The following SLC3A1 variants were observed in gnomAD, a reference collection of about 807,000 sequenced individuals.
The protein encoded by SLC3A1 is amino acid transporter heavy chain SLC3A1.
In SLC3A1, 78 loss-of-function variants were observed where a neutral mutation model predicts 60.3. That is an observed-to-expected ratio of 1.29 (90% confidence interval 1.08 to 1.56). The LOEUF is 1.56. SLC3A1 is among the 40% of genes most tolerant of loss of function. The pLI is 0.00. For missense variants in SLC3A1, 1,172 were observed against 858.9 expected (o/e 1.36, Z -4.56); for synonymous variants, 392 against 307.9 (o/e 1.27, Z -2.86).
At chr2:44,295,769 A>C (rs543954982) in intron 4 of SLC3A1, among the ~76,000 whole-genome samples, 3 of 152,340 alleles carry the variant, frequency 2.0e-5, no homozygotes, top group Admixed American at 6.5e-5. Context: ...ATCAGTGCCC[A>C]AAAGCTTGAT....
rs748299302 is a variant in SLC3A1, at chr2:44,321,178, G to A, written c.*539G>A. On this transcript the variant is annotated 3_prime_UTR_variant, in exon 10 of 10. Coordinates refer to ENST00000260649, the MANE Select transcript of SLC3A1 (RefSeq NM_000341.4). ...AGGTTAATGGGCATGTGCATCAATG[G>A]AGAGAATAGTATAAGCAAGTGAGAT... The A allele has an allele frequency of 6.7e-6, 4 of 597,130 alleles. No homozygotes were observed. Among genetic ancestry groups the A allele is most frequent in the Non-Finnish European group, 1.2e-5 (4 of 333,766 alleles). The allele number at this position is 597,130 out of a possible 1,614,324, so 37.0% of individuals were successfully genotyped here. A position where few individuals can be genotyped will look rare whatever the true frequency, so the allele number is the denominator to read the frequency against.
intron 1 of SLC3A1, among the ~76,000 whole-genome samples, chr2:44,278,917 G>A (rs1168304508): frequency 6.6e-6 from 1 of 151,998 alleles, no homozygotes; most frequent in African/African-American, 2.4e-5. Context: ...TGTTGAGGTT[G>A]CACTCCTTCT....
intron 4 of SLC3A1, among the ~76,000 whole-genome samples, chr2:44,296,912 C>T (rs574077026): frequency 4.6e-5 from 7 of 152,260 alleles, no homozygotes; most frequent in East Asian, 1.9e-4. Flanking sequence ...CAAACTCTCT[C>T]GCCTGCTGTC....
intron 4 of SLC3A1, among the ~76,000 whole-genome samples, chr2:44,291,122 T>C (rs1432425166): frequency 6.6e-6 from 1 of 152,250 alleles, no homozygotes; most frequent in African/African-American, 2.4e-5. Context: ...GTTCATGCTC[T>C]TAACCACAAT....
chr2:44,319,204 A>G (rs186692171), intron 9 of SLC3A1: 1 of 152,782 alleles, frequency 6.5e-6, no homozygotes, highest in East Asian at 1.9e-4. Context: ...CTAAAGAACA[A>G]TAACAACCAC....
intron 9 of SLC3A1, chr2:44,319,617 A>G (rs191809539): frequency 6.5e-6 from 1 of 153,288 alleles, no homozygotes; most frequent in African/African-American, 2.4e-5. Flanking sequence ...AACACATACT[A>G]TTATGGTAAA....
chr2:44,282,021 G>T (rs78164933), intron 3 of SLC3A1, among the ~76,000 whole-genome samples: 3 of 152,018 alleles, frequency 2.0e-5, no homozygotes, highest in African/African-American at 7.2e-5. Context: ...ACAGGCGCGC[G>T]TCATCATACT....
In SLC3A1 at chr2:44,275,551, A is replaced by G. The variant is rs1558450083; in HGVS notation, c.16A>G (p.Ser6Gly). The change falls in exon 1 of 10, where the codon AGC (serine) becomes GGC (glycine). Residue 6 changes from serine (S) to glycine (G), a missense_variant. Ser to Gly is a moderately conservative substitution (Grantham distance 56, BLOSUM62 0). Transcript: ENST00000260649. MAEDK[S>G]KRDSIEMSMK... ...TCGGTGAGACATGGCTGAAGATAAA[A>G]GCAAGAGAGACTCCATCGAGATGAG... The G allele has an allele frequency of 1.2e-6, 2 of 1,613,994 alleles. No individual in the cohort carries two copies. Among genetic ancestry groups the G allele is most frequent in the South Asian group, 2.2e-5 (2 of 91,052 alleles).
intron 7 of SLC3A1, 76 bp downstream of exon 7, chr2:44,304,414 G>C: frequency 8.8e-7 from 1 of 1,139,282 alleles, no homozygotes; most frequent in Non-Finnish European, 1.3e-6. Context: ...AAATGCAATG[G>C]ACCTTTGTCT....
chr2:44,321,066 G>T lies in SLC3A1; in HGVS notation c.*427G>T. 4.8e-6 allele frequency: 2 copies of T among 414,086 alleles called. No homozygotes were observed. Among genetic ancestry groups the T allele is most frequent in the South Asian group, 2.9e-5 (1 of 34,298 alleles). The allele number at this position is 414,086 out of a possible 1,614,324, so 25.7% of individuals were successfully genotyped here. On this transcript the variant is annotated 3_prime_UTR_variant, in exon 10 of 10. Transcript: ENST00000260649. ...ACTGCTCAACTGTTCTGACTGGAAG[G>T]GAGGCCTGGAGCTCTGCTATCACCA...
At chr2:44,286,837 A>ACGG in intron 4 of SLC3A1, among the ~76,000 whole-genome samples, 1 of 149,876 alleles carries the variant, frequency 6.7e-6, no homozygotes, top group South Asian at 2.1e-4. Flanking sequence ...GGTGCCTGTG[A>ACGG]TGGTGAGCTG....
intron 9 of SLC3A1, chr2:44,319,481 T>A (rs1672737942): frequency 6.6e-6 from 1 of 151,878 alleles, no homozygotes; most frequent in Admixed American, 6.6e-5. Flanking sequence ...AACAGAATAT[T>A]GTCATTAAAA....
At chr2:44,295,739 G>A (rs909870890) in intron 4 of SLC3A1, among the ~76,000 whole-genome samples, 1 of 152,182 alleles carries the variant, frequency 6.6e-6, no homozygotes, top group African/African-American at 2.4e-5. Flanking sequence ...TAAAGAAAAG[G>A]ACTGGCTTTA....
At chr2:44,292,893 T>C (rs943672631) in intron 4 of SLC3A1, among the ~76,000 whole-genome samples, 1 of 151,896 alleles carries the variant, frequency 6.6e-6, no homozygotes, top group African/African-American at 2.4e-5. Flanking sequence ...TTTATTTTTA[T>C]TTTTTTTCAA....
At chr2:44,310,702 T>C (rs571758972) in intron 7 of SLC3A1, among the ~76,000 whole-genome samples, 3 of 152,082 alleles carry the variant, frequency 2.0e-5, no homozygotes, top group African/African-American at 4.8e-5. Context: ...ATTTTTTTTT[T>C]AAATATTGTT....
chr2:44,313,316 C>A lies in SLC3A1; in HGVS notation c.1501-519C>A, dbSNP rs548870562. Among the ~76,000 whole-genome samples the A allele has an allele frequency of 9.0e-4, 137 of 152,186 alleles. 1 individual carries two copies. Among genetic ancestry groups the A allele is most frequent in the South Asian group, 4.8e-3 (23 of 4,816 alleles). The stretch of plus-strand genomic sequence containing the variant: ...GACGACTATCTTGCAACTTTAATTG[C>A]CTAGTTAGCTTTCAACTATATGAGA... On this transcript the variant is annotated intron_variant, in intron 8 of 9. Transcript: ENST00000260649.
chr2:44,319,888 C>T (rs916223990), intron 9 of SLC3A1: 1 of 308,160 alleles, frequency 3.2e-6, no homozygotes, highest in Admixed American at 4.8e-5. Flanking sequence ...AAATATTCAT[C>T]TTAGACATGG....
downstream of SLC3A1, chr2:44,321,638 G>C (rs763720338): frequency 5.3e-6 from 8 of 1,496,524 alleles, no homozygotes; most frequent in Non-Finnish European, 1.8e-6. Flanking sequence ...CAGAGCTCAC[G>C]TATCAAGTAC....
chr2:44,304,440 C>G, intron 7 of SLC3A1, 102 bp downstream of exon 7: 1 of 902,388 alleles, frequency 1.1e-6, no homozygotes, highest in South Asian at 1.4e-5. Context: ...TGACCATCAC[C>G]TCTGCCTTAT....
Sources: allele counts gnomAD v4.1 joint callset (sites outside exome capture counted in the v4.1 genomes callset), GRCh38; gene constraint gnomAD v4.1.1; transcripts MANE v1.5; gene names NCBI Gene and HGNC (gene_info 2026-07-23, HGNC 2026-07-21).